Variants in KALRN observed in about 807,000 individuals in gnomAD.
KALRN encodes the protein kalirin.
In KALRN, 70 loss-of-function variants were observed where a neutral mutation model predicts 353.7. The ratio of observed to expected loss-of-function variants is 0.20; its 90% CI spans 0.16 to 0.24. The LOEUF is 0.24. KALRN is among the 10% of genes least tolerant of loss of function. The probability of loss-of-function intolerance (pLI) is 1.00; values close to 1 mark genes in which losing one functional copy is unlikely to be tolerated. For synonymous variants in KALRN, 1,391 were observed against 1,434.8 expected, an observed-to-expected ratio of 0.97 and a Z score of 0.69; for missense variants, 2,791 against 3,756.7, an observed-to-expected ratio of 0.74 and a Z score of 6.72.
At chr3:124,594,199 T>A (rs945197518) in intron 34 of KALRN, among the ~76,000 whole-genome samples, 9 of 152,222 alleles carry the variant, frequency 5.9e-5, no homozygotes, top group Non-Finnish European at 1.2e-4. Context: ...TCATTTAATC[T>A]TCTGAACATC....
intron 5 of KALRN, among the ~76,000 whole-genome samples, chr3:124,274,161 G>A (rs530063258): frequency 6.6e-6 from 1 of 152,296 alleles, no homozygotes; most frequent in Non-Finnish European, 1.5e-5. Flanking sequence ...GGGTGCCTAG[G>A]GCACATCTTC....
chr3:124,214,486 G>T (rs975265016), intron 1 of KALRN, among the ~76,000 whole-genome samples: 3 of 152,170 alleles, frequency 2.0e-5, no homozygotes, highest in African/African-American at 7.2e-5. Flanking sequence ...CCATGGACAA[G>T]ACAATCTCAT....
At chr3:124,341,248 T>G (rs1430936893) in intron 9 of KALRN, among the ~76,000 whole-genome samples, 2 of 152,240 alleles carry the variant, frequency 1.3e-5, no homozygotes, top group Admixed American at 1.3e-4. Flanking sequence ...TACAAGTTGT[T>G]ACAAGACTGC....
chr3:124,068,132 G>A (rs1227085395), intron 1 of KALRN, among the ~76,000 whole-genome samples: 4 of 152,196 alleles, frequency 2.6e-5, no homozygotes, highest in Non-Finnish European at 5.9e-5. Flanking sequence ...ATCATTGAGG[G>A]GGCAGGATGA....
intron 25 of KALRN, among the ~76,000 whole-genome samples, chr3:124,466,032 C>CTG (rs1173011827): frequency 3.0e-5 from 3 of 99,844 alleles, no homozygotes; most frequent in African/African-American, 1.1e-4. Context: ...CTCTCTCTTG[C>CTG]TCTGTGTGTG....
intron 1 of KALRN, among the ~76,000 whole-genome samples, chr3:124,073,841 A>G (rs140120171): frequency 6.6e-6 from 1 of 152,278 alleles, no homozygotes; most frequent in Non-Finnish European, 1.5e-5. Context: ...TTATTGGAAT[A>G]GGCTTTTGCA....
In KALRN at chr3:124,264,528, C is replaced by G. The variant is rs1321435261; in HGVS notation, c.294C>G (p.Val98=). The G allele has an allele frequency of 6.2e-7, 1 of 1,614,098 alleles. No individual in the cohort carries two copies. Among genetic ancestry groups the G allele is most frequent in the Admixed American group, 1.7e-5 (1 of 60,020 alleles). ...ACGTGTGCAAACGTGGCTTCACTGT[C>G]ATCATCGACATGCGGGGCTCCAAGT... The part of the protein sequence containing the change: ...SEDVCKRGFT[V]IIDMRGSKWD... Residue 98 remains valine, a synonymous_variant, in exon 4 of 60, where the codon GTC becomes GTG. Coordinates refer to ENST00000682506, the MANE Select transcript of KALRN (RefSeq NM_001388419.1).
intron 8 of KALRN, among the ~76,000 whole-genome samples, chr3:124,331,089 C>T (rs149378155): frequency 3.5e-4 from 54 of 152,320 alleles, no homozygotes; most frequent in African/African-American, 1.1e-3. Context: ...TACTTAACCA[C>T]TTTGAGCCTG....
chr3:124,430,497 G>C (rs2093222372), intron 15 of KALRN, among the ~76,000 whole-genome samples, 159 bp from the exon 16 acceptor site: 5 of 152,134 alleles, frequency 3.3e-5, no homozygotes, highest in Admixed American at 3.3e-4. Context: ...TGTATGATTG[G>C]GGAGATGACC....
intron 33 of KALRN, among the ~76,000 whole-genome samples, chr3:124,539,712 G>A (rs1017795430): frequency 2.6e-5 from 4 of 152,154 alleles, no homozygotes; most frequent in African/African-American, 9.7e-5. Flanking sequence ...GAAAAAAAGA[G>A]CAAGAGTCAG....
chr3:124,723,634 A>G lies in KALRN; in HGVS notation c.*4164A>G, dbSNP rs956306391. 2 of 152,220 alleles carry G rather than the reference A, an allele frequency of 1.3e-5. No individual in the cohort carries two copies. Among genetic ancestry groups the G allele is most frequent in the Non-Finnish European group, 2.9e-5 (2 of 68,046 alleles). The allele number at this position is 152,220 out of a possible 1,614,324, so 9.4% of individuals were successfully genotyped here. A position where few individuals can be genotyped will look rare whatever the true frequency, so the allele number is the denominator to read the frequency against. Reference sequence around the variant, plus strand: ...CTGTAAATTGTTTTCAGTTGGAAGTATCAGGTGCTCTTTGTCTAAATGTTA... The same window carrying G: ...CTGTAAATTGTTTTCAGTTGGAAGTGTCAGGTGCTCTTTGTCTAAATGTTA... On this transcript the variant is annotated 3_prime_UTR_variant, in exon 60 of 60. Transcript: ENST00000682506.
At chr3:124,669,081 C>T (rs984408754) in intron 47 of KALRN, among the ~76,000 whole-genome samples, 1 of 152,158 alleles carries the variant, frequency 6.6e-6, no homozygotes, top group African/African-American at 2.4e-5. Context: ...CACATTTAAT[C>T]CTCACGCCAA....
intron 13 of KALRN, among the ~76,000 whole-genome samples, chr3:124,412,154 AGT>A (rs1214405251): frequency 6.6e-6 from 1 of 152,168 alleles, no homozygotes; most frequent in Non-Finnish European, 1.5e-5. Context: ...TTCCCATCCC[AGT>A]GTGTGTACCC....
intron 57 of KALRN, among the ~76,000 whole-genome samples, chr3:124,712,618 G>A (rs192306852): frequency 7.5e-4 from 103 of 137,218 alleles, no homozygotes; most frequent in Non-Finnish European, 3.0e-4. Flanking sequence ...TCACATGACT[G>A]CACTCTAGCC....
chr3:124,621,298 G>A (rs1012444762), intron 34 of KALRN, among the ~76,000 whole-genome samples: 3 of 152,180 alleles, frequency 2.0e-5, no homozygotes, highest in African/African-American at 7.2e-5. Flanking sequence ...GGAAAAAATA[G>A]ATACAGATGT....
In KALRN at chr3:124,428,005, A is replaced by G. The variant is rs75703109; in HGVS notation, c.2710-2651A>G. Among the ~76,000 whole-genome samples, 90 of 152,262 alleles carry G rather than the reference A, an allele frequency of 5.9e-4. 1 individual carries two copies. In the East Asian group the frequency reaches 0.016, roughly 27 times the overall value. ...CAGATGAGAAAACTGAGCCTTAGGG[A>G]GCTTAAATGATGTTTGCAATGTCAC... On this transcript the variant is annotated intron_variant, in intron 15 of 59. Transcript: ENST00000682506.
intron 6 of KALRN, among the ~76,000 whole-genome samples, chr3:124,305,438 C>T (rs1054847765): frequency 1.3e-5 from 2 of 152,152 alleles, no homozygotes; most frequent in Non-Finnish European, 2.9e-5. Flanking sequence ...TTGCATATGT[C>T]TGTGGAACCA....
At chr3:124,304,197 C>A (rs1270863392) in intron 6 of KALRN, among the ~76,000 whole-genome samples, 1 of 151,112 alleles carries the variant, frequency 6.6e-6, no homozygotes, top group Non-Finnish European at 1.5e-5. Context: ...TTTGACACTG[C>A]CATAGCTGCA....
intron 6 of KALRN, among the ~76,000 whole-genome samples, chr3:124,318,476 G>T (rs986443498): frequency 1.3e-5 from 2 of 152,108 alleles, no homozygotes; most frequent in African/African-American, 4.8e-5. Context: ...GGATCAGCAG[G>T]TTTACATGGT....
Sources: allele counts gnomAD v4.1 joint callset (sites outside exome capture counted in the v4.1 genomes callset), GRCh38; gene constraint gnomAD v4.1.1; transcripts MANE v1.5; gene names NCBI Gene and HGNC (gene_info 2026-07-23, HGNC 2026-07-21).